H4C15: variants seen among roughly 807,000 people sequenced by gnomAD.
H4C15 encodes H4 clustered histone 15.
At chr1:149,850,204 G>C (rs782214783), downstream of H4C15, 5 of 736,184 alleles carry the variant, frequency 6.8e-6, no homozygotes, top group Middle Eastern at 4.6e-4. Flanking sequence ...ATCTGTGCTT[G>C]GTGTTGTGTG....
chr1:149,849,643 G>C (rs185222842), downstream of H4C15, among the ~76,000 whole-genome samples: 109 of 152,242 alleles, frequency 7.2e-4, no homozygotes, highest in Non-Finnish European at 5.3e-4. Context: ...CCTTAAACTG[G>C]ACAAGCTTTT....
the H4C15 span, chr1:149,847,587 T>C: frequency 2.0e-5 from 3 of 152,204 alleles, no homozygotes; most frequent in African/African-American, 4.8e-5. Flanking sequence ...GGCAGGTGGA[T>C]CACCTGAGGT....
At chr1:149,850,282 T>G (rs587598405), downstream of H4C15, 37 of 1,380,404 alleles carry the variant, frequency 2.7e-5, 1 homozygote, top group Middle Eastern at 7.1e-4. Context: ...AGAAAGATTC[T>G]TTAACTGAGG....
the H4C15 span, chr1:149,846,208 C>T: frequency 2.0e-5 from 3 of 152,132 alleles, no homozygotes; most frequent in African/African-American, 7.2e-5. Context: ...TTGACTAAAA[C>T]CTTCTATTCA....
the H4C15 span, chr1:149,848,041 T>G: frequency 6.6e-6 from 1 of 152,218 alleles, no homozygotes; most frequent in African/African-American, 2.4e-5. Context: ...TTTGTGGTAC[T>G]TTGACAGCCC....
downstream of H4C15, among the ~76,000 whole-genome samples, chr1:149,849,554 G>A (rs2092161914): frequency 6.6e-6 from 1 of 152,172 alleles, no homozygotes; most frequent in South Asian, 2.1e-4. Context: ...CTTGCAAATT[G>A]GTGGTCCTTC....
At chr1:149,849,871 A>C (rs1467449909), downstream of H4C15, among the ~76,000 whole-genome samples, 1 of 152,254 alleles carries the variant, frequency 6.6e-6, no homozygotes, top group Admixed American at 6.5e-5. Context: ...TACCATATAT[A>C]AAAGTTGAGC....
At chr1:149,850,129 TA>T, downstream of H4C15, 1 of 533,770 alleles carries the variant, frequency 1.9e-6, no homozygotes, top group Non-Finnish European at 3.4e-6. Context: ...TATGCCATAG[TA>T]AGATACCACT....
downstream of H4C15, among the ~76,000 whole-genome samples, chr1:149,855,466 A>G (rs1242752136): frequency 9.5e-3 from 1,297 of 136,078 alleles, 88 homozygotes; most frequent in African/African-American, 0.033. Flanking sequence ...CCACGTTTAC[A>G]CTGATTTTTC....
chr1:149,847,171 C>A, the H4C15 span: 1 of 152,198 alleles, frequency 6.6e-6, no homozygotes, highest in Non-Finnish European at 1.5e-5. Flanking sequence ...TCTTGCCTCT[C>A]CTATAAGGAC....
chr1:149,846,029 G>A, the H4C15 span: 1 of 152,192 alleles, frequency 6.6e-6, no homozygotes, highest in South Asian at 2.1e-4. Context: ...GTTTAGGAAA[G>A]AGAAGGGGGT....
chr1:149,850,068 C>A, downstream of H4C15: 1 of 410,454 alleles, frequency 2.4e-6, no homozygotes, highest in South Asian at 2.2e-5. Context: ...GGTACGTAAC[C>A]AGGCCAAAGA....
At chr1:149,844,518 T>G in the H4C15 span, 1 of 152,124 alleles carries the variant, frequency 6.6e-6, no homozygotes, top group African/African-American at 2.4e-5. Context: ...ATTCCAGACT[T>G]TATATATTTT....
the H4C15 span, chr1:149,846,733 C>G: frequency 2.6e-5 from 4 of 152,136 alleles, no homozygotes; most frequent in Admixed American, 2.6e-4. Context: ...GGTGGCATGT[C>G]TCTTAAAAAT....
downstream of H4C15, chr1:149,850,216 TCTC>T: frequency 1.3e-6 from 1 of 797,478 alleles, no homozygotes; most frequent in Non-Finnish European, 2.1e-6. Flanking sequence ...TGTTGTGTGC[TCTC>T]CTAAAGTTAA....
At chr1:149,848,021 C>T in the H4C15 span, 1 of 152,056 alleles carries the variant, frequency 6.6e-6, no homozygotes, top group Non-Finnish European at 1.5e-5. Context: ...TGTTGTTTTA[C>T]GCCATACAGT....
At chr1:149,848,165 G>GTC in the H4C15 span, 1 of 151,958 alleles carries the variant, frequency 6.6e-6, no homozygotes, top group Non-Finnish European at 1.5e-5. Context: ...GGTAATATTA[G>GTC]TCTTTAGCCT....
chr1:149,850,388 A>G (rs1553757634), downstream of H4C15: 6 of 809,926 alleles, frequency 7.4e-6, no homozygotes, highest in Admixed American at 2.0e-5. Context: ...AGGTCCCGGC[A>G]GGGACTCACT....
At chr1:149,850,564 G>A (rs1553757677), downstream of H4C15, 1 of 687,302 alleles carries the variant, frequency 1.5e-6, no homozygotes, top group Non-Finnish European at 2.4e-6. Context: ...TGCGCTCGAA[G>A]ATGTCGTTGA....
Sources: gnomAD v4.1 joint callset for allele counts (sites outside exome capture counted in the v4.1 genomes callset) on GRCh38, gnomAD v4.1.1 for gene constraint, MANE v1.5 for transcripts, NCBI Gene and HGNC (gene_info 2026-07-23, HGNC 2026-07-21) for gene names.